The following SLC25A21 variants were observed in gnomAD, a reference collection of about 807,000 sequenced individuals.
The protein encoded by SLC25A21 is solute carrier family 25 member 21.
In SLC25A21, 47 loss-of-function variants were observed where a neutral mutation model predicts 43.8. That is an observed-to-expected ratio of 1.07 (90% CI 0.85 to 1.37). The LOEUF (loss-of-function observed/expected upper bound fraction) is 1.37, where lower values mean the gene tolerates loss of function less well. SLC25A21 is among the 40% of genes most tolerant of loss of function. The pLI is 0.00. For synonymous variants in SLC25A21, 131 were observed against 121.3 expected (o/e 1.08, Z -0.52); for missense variants, 352 against 350.2 (o/e 1.00, Z -0.04).
intron 2 of SLC25A21, among the ~76,000 whole-genome samples, chr14:36,873,562 C>T (rs1190441627): frequency 6.6e-6 from 1 of 152,154 alleles, no homozygotes; most frequent in Admixed American, 6.5e-5. Flanking sequence ...TCCCAAAGTG[C>T]TAGGATTACA....
At chr14:37,113,725 G>A (rs1214450646) in intron 1 of SLC25A21, among the ~76,000 whole-genome samples, 1 of 151,798 alleles carries the variant, frequency 6.6e-6, no homozygotes, top group African/African-American at 2.4e-5. Context: ...GTGGTGGCAT[G>A]TGCCTGTACT....
chr14:37,065,299 T>C (rs1962037069), intron 1 of SLC25A21, among the ~76,000 whole-genome samples: 1 of 152,078 alleles, frequency 6.6e-6, no homozygotes, highest in Admixed American at 6.6e-5. Flanking sequence ...AACAACAATA[T>C]TGGATAAGGT....
chr14:36,867,587 C>T (rs1387811233), intron 2 of SLC25A21, among the ~76,000 whole-genome samples: 2 of 152,084 alleles, frequency 1.3e-5, no homozygotes, highest in Admixed American at 1.3e-4. Flanking sequence ...CTTGCAAACA[C>T]CTTGCTGAGG....
chr14:36,902,182 T>C (rs2138598979), intron 1 of SLC25A21, among the ~76,000 whole-genome samples: 1 of 152,332 alleles, frequency 6.6e-6, no homozygotes, highest in East Asian at 1.9e-4. Flanking sequence ...TAAATCCATA[T>C]TGTATTATTT....
chr14:36,942,772 G>A lies in SLC25A21; in HGVS notation c.71-67768C>T, dbSNP rs140895743. ...AGAATTTTGATGAAATCAAGTGACC[G>A]GCTGTTTGTGAAGTTCAGTCTGTAT... is the stretch of plus-strand genomic sequence containing the variant. On this transcript the variant is annotated intron_variant, in intron 1 of 9. Transcript: ENST00000331299. Among the ~76,000 whole-genome samples the A allele has an allele frequency of 3.9e-4, 60 of 152,234 alleles. No individual in the cohort carries two copies. The East Asian group carries it at 9.7e-3, about 24-fold the overall frequency.
chr14:36,911,680 G>A (rs530073581), intron 1 of SLC25A21, among the ~76,000 whole-genome samples: 7 of 152,268 alleles, frequency 4.6e-5, no homozygotes, highest in African/African-American at 1.7e-4. Flanking sequence ...TGCCAGCTCT[G>A]CAAGGGAGTC....
At chr14:36,899,468 CAAGG>C (rs1891341818) in intron 1 of SLC25A21, among the ~76,000 whole-genome samples, 1 of 152,112 alleles carries the variant, frequency 6.6e-6, no homozygotes, top group Non-Finnish European at 1.5e-5. Flanking sequence ...CAACTTACAC[CAAGG>C]AAGAAATGGG....
chr14:36,971,386 C>G (rs1173194899), intron 1 of SLC25A21, among the ~76,000 whole-genome samples: 2 of 152,188 alleles, frequency 1.3e-5, no homozygotes, highest in African/African-American at 2.4e-5. Context: ...TCCATCTTCT[C>G]TTTTCTTTGC....
Position 36,992,705 on chromosome 14 carries a change from A to C in SLC25A21, c.71-117701T>G, listed in dbSNP as rs143808603. On this transcript the variant is annotated intron_variant, in intron 1 of 9. Transcript: ENST00000331299. ...TTTTTTTCCAGGAACTTGTTTTGCC[A>C]TAGATTTAAGGCAGTAATTTGTTAC... Among the ~76,000 whole-genome samples, 977 of 152,306 alleles carry C rather than the reference A, an allele frequency of 6.4e-3. 3 individuals carry two copies. Among genetic ancestry groups the C allele is most frequent in the Non-Finnish European group, 9.5e-3 (647 of 68,024 alleles).
chr14:36,823,045 T>C (rs1468563366), intron 2 of SLC25A21, among the ~76,000 whole-genome samples: 1 of 152,212 alleles, frequency 6.6e-6, no homozygotes, highest in Non-Finnish European at 1.5e-5. Context: ...AAATTTGACA[T>C]TGCAAAATGA....
Position 36,678,453 on chromosome 14 carries a change from T to A in SLC25A21, c.*2205A>T. 1 of 1,516,464 alleles carries A rather than the reference T, an allele frequency of 6.6e-7. No individual in the cohort carries two copies. Among genetic ancestry groups the A allele is most frequent in the Non-Finnish European group, 8.9e-7 (1 of 1,127,916 alleles). 93.9% of individuals were successfully genotyped at this position (1,516,464 alleles called of 1,614,324 possible). ...GGGCCATAGTCTTCCTTTGATCTTGTAAAACTTCCATTGACATCTGGAGTT... is the reference window on the plus strand; with the variant it reads ...GGGCCATAGTCTTCCTTTGATCTTGAAAAACTTCCATTGACATCTGGAGTT... On this transcript the variant is annotated 3_prime_UTR_variant, in exon 10 of 10. Coordinates refer to ENST00000331299, the MANE Select transcript of SLC25A21 (RefSeq NM_030631.4).
At chr14:36,761,947 T>C (rs765500015) in intron 3 of SLC25A21, among the ~76,000 whole-genome samples, 2 of 152,224 alleles carry the variant, frequency 1.3e-5, no homozygotes, top group African/African-American at 2.4e-5. Context: ...TGCTGAAAAG[T>C]GGGGATTAGA....
intron 1 of SLC25A21, among the ~76,000 whole-genome samples, chr14:37,107,324 C>T (rs999754679): frequency 2.4e-4 from 37 of 151,818 alleles, no homozygotes; most frequent in Admixed American, 3.9e-4. Flanking sequence ...ACTACAGGTA[C>T]GGGGCACTAC....
rs1884183449 is a variant in SLC25A21, at chr14:36,717,317, AT to A, written c.439-5836del. On this transcript the variant is annotated intron_variant, in intron 6 of 9. Coordinates refer to ENST00000331299, the MANE Select transcript of SLC25A21 (RefSeq NM_030631.4). ...AGCTTAGATATTTCACAAATTCATC[AT>A]TACAGTTTGTTTTAATAGGGCATGA... 2.6e-5 allele frequency among the ~76,000 whole-genome samples: 4 copies of A among 152,248 alleles called. No individual in the cohort carries two copies. In the South Asian group the frequency reaches 8.3e-4, roughly 31 times the overall value.
chr14:36,854,316 G>A (rs1327946877), intron 2 of SLC25A21, among the ~76,000 whole-genome samples: 2 of 152,192 alleles, frequency 1.3e-5, no homozygotes, highest in Non-Finnish European at 1.5e-5. Flanking sequence ...ATATAGAAGA[G>A]GATTCACAGA....
intron 1 of SLC25A21, among the ~76,000 whole-genome samples, chr14:37,043,932 G>GTTTTTTTGTTTTTTTTTTT (rs1961529711): frequency 1.1e-5 from 1 of 89,738 alleles, no homozygotes; most frequent in African/African-American, 8.1e-5. Context: ...TTTGTTTTAT[G>GTTTTTTTGTTTTTTTTTTT]TTTTTTTGTT....
intron 1 of SLC25A21, among the ~76,000 whole-genome samples, chr14:36,922,969 G>A (rs1040379464): frequency 1.5e-4 from 23 of 152,072 alleles, no homozygotes; most frequent in Admixed American, 5.2e-4. Flanking sequence ...TGGAAAGCAC[G>A]ACGCAGACCC....
intron 3 of SLC25A21, among the ~76,000 whole-genome samples, chr14:36,756,210 G>A (rs1363777405): frequency 6.6e-6 from 1 of 152,188 alleles, no homozygotes; most frequent in African/African-American, 2.4e-5. Context: ...GGGAAGCGGG[G>A]GCAGCTGAGG....
intron 1 of SLC25A21, among the ~76,000 whole-genome samples, chr14:36,961,711 G>A (rs941030401): frequency 4.6e-5 from 7 of 152,104 alleles, no homozygotes; most frequent in Non-Finnish European, 7.4e-5. Context: ...GGAAGAGCAA[G>A]GGAAATATAG....
Sources: allele counts gnomAD v4.1 joint callset (sites outside exome capture counted in the v4.1 genomes callset), GRCh38; gene constraint gnomAD v4.1.1; transcripts MANE v1.5; gene names NCBI Gene and HGNC (gene_info 2026-07-23, HGNC 2026-07-21).